The following KCNH8 variants were observed in gnomAD, a reference collection of about 807,000 sequenced individuals.
KCNH8 encodes potassium voltage-gated channel subfamily H member 8.
Under a neutral mutation model 103.6 loss-of-function variants are expected in KCNH8, and 70 were observed. That is an observed-to-expected ratio of 0.68 (90% confidence interval 0.56 to 0.82). KCNH8 has a LOEUF of 0.82. Among genes scored for constraint, KCNH8 ranks in the 40% least tolerant of loss-of-function variants. The probability of loss-of-function intolerance (pLI) is 0.00; values close to 1 mark genes in which losing one functional copy is unlikely to be tolerated. For synonymous variants in KCNH8, 498 were observed against 489.4 expected, an observed-to-expected ratio of 1.02 and a Z score of -0.23; for missense variants, 1,217 against 1,329.9, an observed-to-expected ratio of 0.92 and a Z score of 1.32.
intron 11 of KCNH8, among the ~76,000 whole-genome samples, chr3:19,458,419 G>GA (rs2067567525): frequency 6.6e-6 from 1 of 151,858 alleles, no homozygotes; most frequent in African/African-American, 2.4e-5. Flanking sequence ...CCTCAGCATA[G>GA]AAAGTGGGAA....
chr3:19,382,114 A>G (rs1170430025), intron 5 of KCNH8, among the ~76,000 whole-genome samples: 2 of 152,196 alleles, frequency 1.3e-5, no homozygotes, highest in Non-Finnish European at 2.9e-5. Flanking sequence ...TGCAACATTT[A>G]AAAAAATGTT....
Position 19,250,863 on chromosome 3 carries a change from C to G in KCNH8, c.77-2791C>G, listed in dbSNP as rs187500099. 4.4e-3 allele frequency among the ~76,000 whole-genome samples: 665 copies of G among 152,276 alleles called. 3 individuals are homozygous for G. Among genetic ancestry groups the G allele is most frequent in the African/African-American group, 0.015 (619 of 41,544 alleles). On this transcript the variant is annotated intron_variant, in intron 1 of 15. Transcript: ENST00000328405. Reference sequence around the variant, plus strand: ...ATTCTTCTTTAAATACCTCCTGTCACCTCACTCTAGGACTTGCCATCTGGT... The same window carrying G: ...ATTCTTCTTTAAATACCTCCTGTCAGCTCACTCTAGGACTTGCCATCTGGT...
intron 1 of KCNH8, among the ~76,000 whole-genome samples, chr3:19,214,312 C>T (rs563250659): frequency 1.4e-4 from 22 of 152,248 alleles, no homozygotes; most frequent in African/African-American, 4.6e-4. Context: ...CATCTTTATC[C>T]GGATTGGATC....
intron 7 of KCNH8, among the ~76,000 whole-genome samples, chr3:19,402,844 C>T (rs889324980): frequency 2.0e-5 from 3 of 151,772 alleles, no homozygotes; most frequent in African/African-American, 2.4e-5. Context: ...ATGCTTGTTC[C>T]GTACTTCCTT....
chr3:19,224,129 A>G (rs1228578122), intron 1 of KCNH8, among the ~76,000 whole-genome samples: 2 of 152,160 alleles, frequency 1.3e-5, no homozygotes, highest in East Asian at 3.9e-4. Flanking sequence ...TTTTTCTCTT[A>G]ATAACTTCAA....
At chr3:19,212,048 G>T (rs2063776327) in intron 1 of KCNH8, among the ~76,000 whole-genome samples, 1 of 152,060 alleles carries the variant, frequency 6.6e-6, no homozygotes, top group South Asian at 2.1e-4. Flanking sequence ...TAGGTCAGAA[G>T]ATCAGGGAAT....
intron 3 of KCNH8, among the ~76,000 whole-genome samples, chr3:19,340,899 A>AC (rs1444883221): frequency 6.6e-6 from 1 of 152,112 alleles, no homozygotes; most frequent in African/African-American, 2.4e-5. Context: ...AGAGGGAGAG[A>AC]CCAAGGCAAG....
intron 7 of KCNH8, among the ~76,000 whole-genome samples, chr3:19,413,552 A>G (rs949092900): frequency 1.3e-5 from 2 of 152,078 alleles, no homozygotes; most frequent in African/African-American, 4.8e-5. Flanking sequence ...ATAAAAGTTG[A>G]AAAAGAAAAC....
chr3:19,509,710 C>CT (rs1033992522), intron 11 of KCNH8, among the ~76,000 whole-genome samples: 40 of 152,056 alleles, frequency 2.6e-4, no homozygotes, highest in Non-Finnish European at 5.7e-4. Context: ...AGTTTTTCTT[C>CT]TTTTTTTGTG....
At chr3:19,173,627 T>TACACACACACCC (rs1161780971) in intron 1 of KCNH8, among the ~76,000 whole-genome samples, 1 of 151,834 alleles carries the variant, frequency 6.6e-6, no homozygotes, top group Non-Finnish European at 1.5e-5. Context: ...GGCATAAACC[T>TACACACACACCC]ACACACACAC....
At chr3:19,488,996 G>A (rs1186654076) in intron 11 of KCNH8, among the ~76,000 whole-genome samples, 4 of 152,130 alleles carry the variant, frequency 2.6e-5, no homozygotes, top group African/African-American at 7.2e-5. Context: ...AGAGGTGAAA[G>A]GTTGATACAA....
chr3:19,292,393 G>C (rs2064940829), intron 3 of KCNH8, among the ~76,000 whole-genome samples: 1 of 152,172 alleles, frequency 6.6e-6, no homozygotes, highest in Non-Finnish European at 1.5e-5. Flanking sequence ...GGTTGTCTAA[G>C]TGGCAAGCTG....
At chr3:19,294,505 G>C (rs2064970324) in intron 3 of KCNH8, among the ~76,000 whole-genome samples, 1 of 152,146 alleles carries the variant, frequency 6.6e-6, no homozygotes, top group African/African-American at 2.4e-5. Context: ...ATAGATTTCT[G>C]CTTCAGGGAC....
chr3:19,268,528 A>G (rs2064545235), intron 2 of KCNH8, among the ~76,000 whole-genome samples: 1 of 152,150 alleles, frequency 6.6e-6, no homozygotes, highest in Non-Finnish European at 1.5e-5. Context: ...GACTATTCTC[A>G]GGCTATTGAG....
chr3:19,347,632 G>A, intron 4 of KCNH8, 93 bp from the exon 5 acceptor site: 1 of 1,441,462 alleles, frequency 6.9e-7, no homozygotes, highest in South Asian at 1.3e-5. Context: ...TGTAGTGAAT[G>A]ATCCTACTCA....
At chr3:19,404,767 T>A (rs2066666961) in intron 7 of KCNH8, among the ~76,000 whole-genome samples, 1 of 151,980 alleles carries the variant, frequency 6.6e-6, no homozygotes, top group Non-Finnish European at 1.5e-5. Flanking sequence ...TCCTAATTAA[T>A]TAATTAATTT....
chr3:19,488,062 G>A (rs541381793), intron 11 of KCNH8, among the ~76,000 whole-genome samples: 1 of 152,270 alleles, frequency 6.6e-6, no homozygotes, highest in Admixed American at 6.5e-5. Flanking sequence ...CCTTGGGGGC[G>A]CTTCAGCCCA....
chr3:19,278,129 G>A (rs1486881050), intron 2 of KCNH8, among the ~76,000 whole-genome samples: 6 of 152,088 alleles, frequency 3.9e-5, no homozygotes, highest in Non-Finnish European at 7.4e-5. Context: ...GAGGTGAAAG[G>A]TGTCATTAGA....
intron 1 of KCNH8, among the ~76,000 whole-genome samples, chr3:19,210,688 TA>T (rs113050711): frequency 0.062 from 9,014 of 146,368 alleles, 509 homozygotes; most frequent in African/African-American, 0.14. Flanking sequence ...AACCTATCAG[TA>T]AAAAAAAAAA....
Sources: allele counts gnomAD v4.1 joint callset (sites outside exome capture counted in the v4.1 genomes callset), GRCh38; gene constraint gnomAD v4.1.1; transcripts MANE v1.5; gene names NCBI Gene and HGNC (gene_info 2026-07-23, HGNC 2026-07-21).